TENM4: variants seen among roughly 807,000 people sequenced by gnomAD.
TENM4 encodes the protein teneurin-4.
In TENM4, 82 loss-of-function variants were observed where a neutral mutation model predicts 243.3. The ratio of observed to expected loss-of-function variants is 0.34; its 90% CI spans 0.28 to 0.40. The LOEUF (loss-of-function observed/expected upper bound fraction) is 0.40, where lower values mean the gene tolerates loss of function less well. TENM4 is among the 10% of genes least tolerant of loss of function. The pLI is 1.00. For missense variants in TENM4, 3,138 were observed against 3,673.3 expected (o/e 0.85, Z 3.77); for synonymous variants, 1,412 against 1,456.3 (o/e 0.97, Z 0.69).
chr11:79,139,804 T>C (rs185358218), intron 4 of TENM4, among the ~76,000 whole-genome samples: 16,289 of 97,154 alleles, frequency 0.17, 2,628 homozygotes, highest in East Asian at 0.31. Context: ...TATAAATATA[T>C]AATATATATT....
chr11:79,267,610 A>G (rs1855903571), intron 2 of TENM4, among the ~76,000 whole-genome samples: 1 of 152,160 alleles, frequency 6.6e-6, no homozygotes, highest in Non-Finnish European at 1.5e-5. Flanking sequence ...CTCATCTGTA[A>G]AAGAGGATAA....
intron 4 of TENM4, among the ~76,000 whole-genome samples, chr11:79,086,688 G>T (rs1056173325): frequency 6.6e-6 from 1 of 151,998 alleles, no homozygotes; most frequent in Admixed American, 6.6e-5. Context: ...AGAAAAATTA[G>T]CTGGGTGTGG....
At chr11:79,094,270 C>A (rs1861026835) in intron 4 of TENM4, among the ~76,000 whole-genome samples, 2 of 152,146 alleles carry the variant, frequency 1.3e-5, no homozygotes, top group Non-Finnish European at 2.9e-5. Flanking sequence ...TGTGATGGGC[C>A]AATCACTGTG....
intron 19 of TENM4, among the ~76,000 whole-genome samples, chr11:78,742,563 T>G (rs1316517210): frequency 6.6e-6 from 1 of 152,162 alleles, no homozygotes; most frequent in Non-Finnish European, 1.5e-5. Context: ...ACACTTGGGT[T>G]TGGCATATGT....
Position 78,935,522 on chromosome 11 carries a change from C to G in TENM4, c.494-31999G>C, listed in dbSNP as rs76247803. 5.1e-3 allele frequency among the ~76,000 whole-genome samples: 784 copies of G among 152,240 alleles called. 4 individuals are homozygous for G. The highest frequency in any genetic ancestry group is 0.018 in the African/African-American group (747 of 41,544). ...ATAAAGTAATTGTACCAAAGCTAAT[C>G]GGCCAAATGAATCTGTTTAACTATA... On this transcript the variant is annotated intron_variant, in intron 6 of 33. Transcript: ENST00000278550.
chr11:79,140,447 G>A (rs1235046413), intron 4 of TENM4, among the ~76,000 whole-genome samples: 2 of 152,028 alleles, frequency 1.3e-5, no homozygotes, highest in Non-Finnish European at 2.9e-5. Context: ...TTTGTGCTGT[G>A]GGTCATAGTC....
intron 12 of TENM4, among the ~76,000 whole-genome samples, chr11:78,820,642 C>A (rs1284161286): frequency 6.6e-6 from 1 of 152,112 alleles, no homozygotes; most frequent in African/African-American, 2.4e-5. Flanking sequence ...CTGACTTGGT[C>A]AAATGAATCC....
chr11:78,656,091 A>C lies in TENM4; in HGVS notation c.*1967T>G, dbSNP rs1353719397. The C allele has an allele frequency of 6.6e-6, 1 of 152,100 alleles. No individual in the cohort carries two copies. The highest frequency in any genetic ancestry group is 6.5e-5 in the Admixed American group (1 of 15,278). 9.4% of individuals were successfully genotyped at this position (152,100 alleles called of 1,614,324 possible). A position where few individuals can be genotyped will look rare whatever the true frequency, so the allele number is the denominator to read the frequency against. On this transcript the variant is annotated 3_prime_UTR_variant, in exon 34 of 34. Transcript: ENST00000278550. ...CCCAGTGGGATGACGTTAAGGCGAA[A>C]TCTCCTCTCCCCAAGAAGTTTTGGT...
At chr11:78,732,105 CAT>C (rs149840616) in intron 21 of TENM4, among the ~76,000 whole-genome samples, 4,426 of 152,110 alleles carry the variant, frequency 0.029, 199 homozygotes, top group African/African-American at 0.1. Context: ...TCCAGGCACT[CAT>C]GTGTTTTCCA....
At chr11:79,071,954 C>A (rs113185255) in intron 4 of TENM4, among the ~76,000 whole-genome samples, 8 of 152,004 alleles carry the variant, frequency 5.3e-5, no homozygotes, top group African/African-American at 1.5e-4. Flanking sequence ...TCAAAATATC[C>A]CTGGAAATTA....
chr11:78,773,931 CA>C (rs1388304290), intron 17 of TENM4, among the ~76,000 whole-genome samples: 1 of 152,124 alleles, frequency 6.6e-6, no homozygotes, highest in Non-Finnish European at 1.5e-5. Context: ...AGGGCAGATC[CA>C]ATTTTACACC....
chr11:79,315,011 G>A lies in TENM4; in HGVS notation c.-320-17468C>T, dbSNP rs1590873294. On this transcript the variant is annotated intron_variant, in intron 1 of 33. Coordinates refer to ENST00000278550, the MANE Select transcript of TENM4 (RefSeq NM_001098816.3). ...TGTTTTTAATAATATATATGCTTAGGGTTCTAAAGAGTTATGCACAGAGGG... is the reference window on the plus strand; with the variant it reads ...TGTTTTTAATAATATATATGCTTAGAGTTCTAAAGAGTTATGCACAGAGGG... Among the ~76,000 whole-genome samples the A allele has an allele frequency of 2.6e-5, 4 of 152,304 alleles. No individual in the cohort carries two copies. The South Asian group carries it at 8.3e-4, about 32-fold the overall frequency.
chr11:79,337,240 C>T (rs1857162564), intron 1 of TENM4, among the ~76,000 whole-genome samples: 1 of 152,200 alleles, frequency 6.6e-6, no homozygotes, highest in Non-Finnish European at 1.5e-5. Context: ...TTTTAGAAAA[C>T]CCCACATTAC....
At chr11:78,904,323 G>C (rs1040661031) in intron 6 of TENM4, among the ~76,000 whole-genome samples, 1 of 136,160 alleles carries the variant, frequency 7.3e-6, no homozygotes, top group Non-Finnish European at 1.5e-5. Flanking sequence ...TTGCGCCACT[G>C]CACTCCAGCC....
intron 3 of TENM4, among the ~76,000 whole-genome samples, chr11:79,170,451 T>C (rs1020920636): frequency 1.3e-5 from 2 of 152,190 alleles, no homozygotes; most frequent in Admixed American, 6.5e-5. Context: ...TGTGACCTTA[T>C]TTGGAAACAG....
chr11:79,172,193 T>A (rs1019983662), intron 3 of TENM4, among the ~76,000 whole-genome samples: 5 of 152,134 alleles, frequency 3.3e-5, no homozygotes, highest in African/African-American at 1.2e-4. Flanking sequence ...GCTCAAATGA[T>A]CCTCCAGCCT....
At chr11:78,713,589 G>A (rs147519331) in intron 25 of TENM4, among the ~76,000 whole-genome samples, 7 of 152,274 alleles carry the variant, frequency 4.6e-5, no homozygotes, top group Admixed American at 2.0e-4. Context: ...ACTTGGGCAA[G>A]TTACCCGACC....
chr11:79,169,658 C>T (rs995584428), intron 3 of TENM4, among the ~76,000 whole-genome samples: 1 of 152,120 alleles, frequency 6.6e-6, no homozygotes, highest in Non-Finnish European at 1.5e-5. Context: ...AATGATGAGA[C>T]CAATACTTAA....
intron 6 of TENM4, among the ~76,000 whole-genome samples, chr11:79,056,588 A>AGAAGGAAAG (rs1215569062): frequency 1.3e-5 from 2 of 152,042 alleles, no homozygotes; most frequent in Admixed American, 6.6e-5. Flanking sequence ...GCAACCAAGC[A>AGAAGGAAAG]GAAGGAAAGG....
Sources: allele counts gnomAD v4.1 joint callset (sites outside exome capture counted in the v4.1 genomes callset), GRCh38; gene constraint gnomAD v4.1.1; transcripts MANE v1.5; gene names NCBI Gene and HGNC (gene_info 2026-07-23, HGNC 2026-07-21).